Variants in XRN1 observed in about 807,000 individuals in gnomAD.
XRN1 encodes the protein strand-exchange protein 1 homolog.
A neutral mutation model predicts 222.3 loss-of-function variants in XRN1; 67 were observed. That is an observed-to-expected ratio of 0.30 (90% CI 0.25 to 0.37). The LOEUF (loss-of-function observed/expected upper bound fraction) is 0.37, where lower values mean the gene tolerates loss of function less well. Among genes scored for constraint, XRN1 ranks in the 10% least tolerant of loss-of-function variants. The pLI, the probability that XRN1 is intolerant of heterozygous loss-of-function variation, is 1.00. For synonymous variants in XRN1, 643 were observed against 652.4 expected, an observed-to-expected ratio of 0.99 and a Z score of 0.22; for missense variants, 1,707 against 2,000.2, an observed-to-expected ratio of 0.85 and a Z score of 2.80.
intron 20 of XRN1, among the ~76,000 whole-genome samples, chr3:142,396,215 A>G (rs1261036782): frequency 2.0e-5 from 3 of 152,232 alleles, no homozygotes; most frequent in Non-Finnish European, 4.4e-5. Context: ...TAAACAAATG[A>G]CTAAACACTT....
chr3:142,337,207 G>A (rs903303395), intron 33 of XRN1, among the ~76,000 whole-genome samples: 1 of 152,094 alleles, frequency 6.6e-6, no homozygotes, highest in Non-Finnish European at 1.5e-5. Flanking sequence ...TAGGGTCTCT[G>A]CTGGAATCTC....
rs1212942187 is a variant in XRN1 at position 142,418,472 on chromosome 3, A to C, written c.1346+32T>G. ...ATAACTGCAAAATCTAATTTTTTCT[A>C]TTTTAAAATAAAAGCATTGGCAAAA... is the stretch of plus-strand genomic sequence containing the variant. On this transcript the variant is annotated intron_variant, in intron 12 of 40. Transcript: ENST00000392981. 3 of 1,513,698 alleles carry C rather than the reference A, an allele frequency of 2.0e-6. No homozygotes were observed. The East Asian group carries it at 6.8e-5, about 34-fold the overall frequency. 93.8% of individuals were successfully genotyped at this position (1,513,698 alleles called of 1,614,324 possible).
intron 30 of XRN1, 39 bp downstream of exon 30, chr3:142,359,823 C>T (rs757596001): frequency 1.4e-6 from 2 of 1,443,286 alleles, no homozygotes; most frequent in Non-Finnish European, 9.6e-7. Context: ...GCCACATGAA[C>T]ATATTCACAA....
chr3:142,317,573 G>C (rs920445125), intron 39 of XRN1, among the ~76,000 whole-genome samples: 3 of 152,052 alleles, frequency 2.0e-5, no homozygotes, highest in African/African-American at 7.2e-5. Context: ...TCTCTGCCTG[G>C]TATTCCCATA....
chr3:142,377,072 C>A (rs2067166313), intron 23 of XRN1, among the ~76,000 whole-genome samples: 1 of 151,932 alleles, frequency 6.6e-6, no homozygotes, highest in Non-Finnish European at 1.5e-5. Context: ...TAAAAGTGTC[C>A]TTCATATATG....
chr3:142,326,965 C>A (rs530910133), intron 37 of XRN1, among the ~76,000 whole-genome samples: 4 of 152,224 alleles, frequency 2.6e-5, no homozygotes, highest in Admixed American at 2.6e-4. Context: ...TGGGATGAAT[C>A]CCACTTGATC....
chr3:142,431,766 G>A (rs1375973282), intron 2 of XRN1, among the ~76,000 whole-genome samples: 8 of 130,796 alleles, frequency 6.1e-5, no homozygotes, highest in South Asian at 2.4e-4. Flanking sequence ...GTAATGAGCC[G>A]AGATCGCGCC....
At chr3:142,371,004 G>A (rs539944182) in intron 26 of XRN1, among the ~76,000 whole-genome samples, 29 of 151,982 alleles carry the variant, frequency 1.9e-4, no homozygotes, top group African/African-American at 6.0e-4. Flanking sequence ...ATGTGGAGGC[G>A]TACGCCTAAT....
chr3:142,337,138 C>T (rs1307079415), intron 33 of XRN1, among the ~76,000 whole-genome samples: 4 of 151,916 alleles, frequency 2.6e-5, no homozygotes, highest in Non-Finnish European at 5.9e-5. Context: ...TTGATATTTC[C>T]TCTACTGGAA....
chr3:142,445,176 C>G (rs2108222656), intron 1 of XRN1, among the ~76,000 whole-genome samples: 1 of 152,194 alleles, frequency 6.6e-6, no homozygotes, highest in East Asian at 1.9e-4. Flanking sequence ...CGTCTTGCTT[C>G]TATTTGAGGC....
At position 142,318,442 on chromosome 3, in the gene XRN1, C is replaced by T. The variant is rs112880736; in HGVS notation, c.4621+150G>A. The stretch of plus-strand genomic sequence containing the variant: ...TAGAGGCTGTAGGAAGAGAATGGTA[C>T]TTTTAGATGAATCTGCAGGCTGTGG... On this transcript the variant is annotated intron_variant, in intron 39 of 40. Transcript: ENST00000392981. 1.1e-3 allele frequency: 849 copies of T among 740,218 alleles called. 5 individuals are homozygous for T. The highest frequency in any genetic ancestry group is 3.1e-3 in the Middle Eastern group (8 of 2,542). 45.9% of individuals were successfully genotyped at this position (740,218 alleles called of 1,614,324 possible).
At chr3:142,352,297 G>A (rs1391871473) in intron 32 of XRN1, among the ~76,000 whole-genome samples, 1 of 152,176 alleles carries the variant, frequency 6.6e-6, no homozygotes, top group Non-Finnish European at 1.5e-5. Context: ...AAGCAGTGTG[G>A]TGCAGTAAGT....
intron 18 of XRN1, among the ~76,000 whole-genome samples, chr3:142,401,095 T>C (rs2068111959): frequency 6.6e-6 from 1 of 152,190 alleles, no homozygotes; most frequent in African/African-American, 2.4e-5. Flanking sequence ...GACTGTTTCA[T>C]ATCAAATAGT....
In XRN1 at chr3:142,398,018, G is replaced by A. The variant is rs143609495; in HGVS notation, c.2208-558C>T. Among the ~76,000 whole-genome samples, 5 of 152,228 alleles carry A rather than the reference G, an allele frequency of 3.3e-5. No homozygotes were observed. The East Asian group carries it at 9.7e-4, about 29-fold the overall frequency. ...GCATTTTGGGAGGCTGAGATGTGAG[G>A]ATTACTTGAGGCCAGAAATTCAAGA... is the stretch of plus-strand genomic sequence containing the variant. On this transcript the variant is annotated intron_variant, in intron 19 of 40. Transcript: ENST00000392981.
At position 142,447,817 on chromosome 3, in the gene XRN1, C is replaced by A; in HGVS notation, c.75+53G>T. The A allele has an allele frequency of 6.2e-7, 1 of 1,600,868 alleles. No individual in the cohort carries two copies. Among genetic ancestry groups the A allele is most frequent in the Non-Finnish European group, 8.5e-7 (1 of 1,171,372 alleles). Reference sequence around the variant, plus strand: ...AGCCCCAGCTCTAAGGTGGAGAGGGCCGCGGAGCCCCGGGTCCTCGGCTTT... The same window carrying A: ...AGCCCCAGCTCTAAGGTGGAGAGGGACGCGGAGCCCCGGGTCCTCGGCTTT... On this transcript the variant is annotated intron_variant, in intron 1 of 40. Transcript: ENST00000392981. This position sits in a 1 kb window ranked among gnomAD's most constrained non-coding sequence, Gnocchi z 4.2.
chr3:142,447,797 C>T lies in XRN1; in HGVS notation c.75+73G>A, dbSNP rs1051477431. Reference sequence around the variant, plus strand: ...GGGGAAAGAGGTGGCTCGAAAGCCCCAGCTCTAAGGTGGAGAGGGCCGCGG... The same window carrying T: ...GGGGAAAGAGGTGGCTCGAAAGCCCTAGCTCTAAGGTGGAGAGGGCCGCGG... On this transcript the variant is annotated intron_variant, in intron 1 of 40. Transcript: ENST00000392981. The surrounding 1 kb of genome is among the most constrained non-coding windows in gnomAD (Gnocchi z 4.2). The T allele has an allele frequency of 1.3e-6, 2 of 1,549,578 alleles. No individual in the cohort carries two copies. Among genetic ancestry groups the T allele is most frequent in the Non-Finnish European group, 1.8e-6 (2 of 1,131,420 alleles).
intron 39 of XRN1, among the ~76,000 whole-genome samples, chr3:142,317,069 A>G (rs541756313): frequency 9.8e-5 from 15 of 152,300 alleles, no homozygotes; most frequent in Middle Eastern, 3.4e-3. Flanking sequence ...GCACTGTTCA[A>G]TAGTGCAGTA....
In XRN1 at chr3:142,425,224, A is replaced by C; in HGVS notation, c.625T>G (p.Leu209Val). 1 of 1,558,412 alleles carries C rather than the reference A, an allele frequency of 6.4e-7. No homozygotes were observed. The highest frequency in any genetic ancestry group is 8.7e-7 in the Non-Finnish European group (1 of 1,154,374). The change falls in exon 5 of 41, where the codon TTG becomes GTG. Residue 209 changes from leucine to valine, a missense_variant and splice_region_variant. Physicochemically the swap from Leu to Val is conservative, Grantham distance 32. This residue lies in a region of XRN1 where 1,234 missense variants were observed against 1,518.2 expected (regional missense o/e 0.81). Transcript: ENST00000392981. The stretch of plus-strand genomic sequence containing the variant: ...ATAATAATAAAAATTATACCTACCA[A>C]GTCAGCATCTAAACCATAAAGACAG... ...RHCLYGLDAD[L>V]IMLGLTSHEA... is the part of the protein sequence containing the mutation.
rs1242414342 is a variant in XRN1 at position 142,431,848 on chromosome 3, T to A, written c.308+813A>T. 1.0e-3 allele frequency among the ~76,000 whole-genome samples: 36 copies of A among 35,954 alleles called. 1 individual carries two copies. Among genetic ancestry groups the A allele is most frequent in the African/African-American group, 4.3e-3 (27 of 6,320 alleles). The allele number at this position is 35,954 out of a possible 152,430, so 23.6% of individuals were successfully genotyped here. ...AAAAATTATATATAATATTAAAAAA[T>A]ATATATATTATATATAATATATTAT... is the stretch of plus-strand genomic sequence containing the variant. On this transcript the variant is annotated intron_variant, in intron 2 of 40. Coordinates refer to ENST00000392981, the MANE Select transcript of XRN1 (RefSeq NM_001282857.2).
Sources: gnomAD v4.1 joint callset for allele counts (sites outside exome capture counted in the v4.1 genomes callset) on GRCh38, gnomAD v4.1.1 for gene constraint, gnomAD v4.1.1 regional missense constraint, Gnocchi (gnomAD v3.1) non-coding constraint, MANE v1.5 for transcripts, NCBI Gene and HGNC (gene_info 2026-07-23, HGNC 2026-07-21) for gene names.